BIRC5: variants seen among roughly 807,000 people sequenced by gnomAD.
BIRC5 encodes baculoviral IAP repeat-containing protein 5.
BIRC5 carries 8 observed loss-of-function variants against 15.8 expected under a neutral mutation model. That is an observed-to-expected ratio of 0.51 (90% confidence interval 0.30 to 0.91). The LOEUF is 0.91. BIRC5 is among the 40% of genes least tolerant of loss of function. The pLI is 0.07. For missense variants in BIRC5, 163 were observed against 178.6 expected (o/e 0.91, Z 0.50); for synonymous variants, 56 against 64.5 (o/e 0.87, Z 0.63).
In BIRC5 at chr17:78,214,800, T is replaced by C. The variant is rs2076466095; in HGVS notation, c.221+11T>C. ...AGATGACGACCCCATGTAAGTCTTCTCTGGCCAGCCTCGATGGGCTTTGTT... is the reference window on the plus strand; with the variant it reads ...AGATGACGACCCCATGTAAGTCTTCCCTGGCCAGCCTCGATGGGCTTTGTT... On this transcript the variant is annotated intron_variant, in intron 2 of 3. Transcript: ENST00000350051. The C allele has an allele frequency of 6.2e-7, 1 of 1,605,080 alleles. No individual in the cohort carries two copies.
intron 2 of BIRC5, chr17:78,216,060 T>C (rs780185239): frequency 2.5e-6 from 2 of 804,450 alleles, no homozygotes; most frequent in South Asian, 8.6e-5. Flanking sequence ...CCATCTTGGC[T>C]AATACGGTGA....
chr17:78,222,988 G>A lies in BIRC5; in HGVS notation c.340-477G>A, dbSNP rs539741224. 256 of 1,487,672 alleles carry A rather than the reference G, an allele frequency of 1.7e-4. No individual in the cohort carries two copies. In the African/African-American group the frequency reaches 3.3e-3, roughly 19 times the overall value. 92.2% of individuals were successfully genotyped at this position (1,487,672 alleles called of 1,614,324 possible). A position where few individuals can be genotyped will look rare whatever the true frequency, so the allele number is the denominator to read the frequency against. ...GGACTTTCCTCCAGGAGTTTCAGGAGAAAGGTAGGGCAGTGGTTAAGAGCA... is the reference window on the plus strand; with the variant it reads ...GGACTTTCCTCCAGGAGTTTCAGGAAAAAGGTAGGGCAGTGGTTAAGAGCA... On this transcript the variant is annotated intron_variant, in intron 3 of 3. Coordinates refer to ENST00000350051, the MANE Select transcript of BIRC5 (RefSeq NM_001168.3).
At chr17:78,216,024 C>A (rs371588539) in intron 2 of BIRC5, 2 of 1,006,854 alleles carry the variant, frequency 2.0e-6, no homozygotes, top group Non-Finnish European at 2.4e-6. Context: ...CCGAGGCGGG[C>A]GGATCACGAG....
At chr17:78,222,678 A>T in intron 3 of BIRC5, 2 of 1,207,320 alleles carry the variant, frequency 1.7e-6, no homozygotes, top group East Asian at 5.3e-5. Flanking sequence ...AAAAAAAGTA[A>T]TTTTTTTTAA....
chr17:78,218,582 G>C (rs1175974537), intron 3 of BIRC5, among the ~76,000 whole-genome samples: 1 of 149,472 alleles, frequency 6.7e-6, no homozygotes, highest in African/African-American at 2.5e-5. Flanking sequence ...GAGCCACCAT[G>C]CGTGGTCTTT....
chr17:78,223,163 G>A (rs1156949761), intron 3 of BIRC5, among the ~76,000 whole-genome samples: 3 of 152,176 alleles, frequency 2.0e-5, no homozygotes, highest in South Asian at 2.1e-4. Flanking sequence ...AGCACCCAGC[G>A]CAGGATCACT....
At chr17:78,214,475 T>A (rs567991073) in intron 1 of BIRC5, 48 bp downstream of exon 1, 16 of 1,472,846 alleles carry the variant, frequency 1.1e-5, no homozygotes, top group Admixed American at 4.8e-5. Flanking sequence ...CCTTGCCCTG[T>A]CCCTAGCGAG....
chr17:78,217,657 C>T (rs1005867315), intron 3 of BIRC5, among the ~76,000 whole-genome samples: 5 of 151,916 alleles, frequency 3.3e-5, no homozygotes, highest in Admixed American at 6.6e-5. Flanking sequence ...CCACCACACC[C>T]GGCTAATTTT....
In BIRC5 at chr17:78,223,543, G is replaced by C; in HGVS notation, c.418G>C (p.Ala140Pro). ...KVRRAIEQLA[A>P]MD ...GCGCCGTGCCATCGAGCAGCTGGCT[G>C]CCATGGATTGAGGCCTCTGGCCGGA... The change falls in exon 4 of 4, where the codon GCC (alanine) becomes CCC (proline). Residue 140 changes from alanine to proline, a missense_variant. Ala to Pro is a conservative substitution (Grantham distance 27). Coordinates refer to ENST00000350051, the MANE Select transcript of BIRC5 (RefSeq NM_001168.3). 6.2e-7 allele frequency: 1 copy of C among 1,613,730 alleles called. No homozygotes were observed. The highest frequency in any genetic ancestry group is 8.5e-7 in the Non-Finnish European group (1 of 1,179,782).
At chr17:78,223,383 GT>G (rs2076527825) in intron 3 of BIRC5, 81 bp from the exon 4 acceptor site, 3 of 1,350,442 alleles carry the variant, frequency 2.2e-6, no homozygotes, top group South Asian at 3.2e-5. Context: ...TTCCCTGATT[GT>G]TTTTTCCTTT....
chr17:78,222,312 A>G (rs552934825), intron 3 of BIRC5, among the ~76,000 whole-genome samples: 13 of 151,548 alleles, frequency 8.6e-5, no homozygotes, highest in African/African-American at 3.1e-4. Context: ...ATATTAAAAA[A>G]TGACAAATTT....
intron 3 of BIRC5, among the ~76,000 whole-genome samples, chr17:78,218,724 T>C (rs1294762331): frequency 6.6e-6 from 1 of 151,860 alleles, no homozygotes; most frequent in Non-Finnish European, 1.5e-5. Flanking sequence ...TGCCTCAGCC[T>C]CCTGAGTAGC....
intron 3 of BIRC5, among the ~76,000 whole-genome samples, chr17:78,217,285 C>T (rs1464614475): frequency 2.0e-5 from 3 of 151,576 alleles, no homozygotes; most frequent in African/African-American, 7.3e-5. Flanking sequence ...AAGTGATTTG[C>T]CTGCTTCAGC....
At chr17:78,216,807 C>T (rs753380115) in intron 3 of BIRC5, 26 bp downstream of exon 3, 1 of 1,556,052 alleles carries the variant, frequency 6.4e-7, no homozygotes, top group South Asian at 1.1e-5. Context: ...AAGAACTGCT[C>T]AAACCCTGTT....
chr17:78,223,611 T>C lies in BIRC5; in HGVS notation c.*57T>C, dbSNP rs778286403. On this transcript the variant is annotated 3_prime_UTR_variant, in exon 4 of 4. Coordinates refer to ENST00000350051, the MANE Select transcript of BIRC5 (RefSeq NM_001168.3). Reference sequence around the variant, plus strand: ...TGGCTGCACCACTTCCAGGGTTTATTCCCTGGTGCCACCAGCCTTCCTGTG... The same window carrying C: ...TGGCTGCACCACTTCCAGGGTTTATCCCCTGGTGCCACCAGCCTTCCTGTG... 1 of 1,608,072 alleles carries C rather than the reference T, an allele frequency of 6.2e-7. No individual in the cohort carries two copies. The highest frequency in any genetic ancestry group is 1.7e-5 in the Admixed American group (1 of 59,348).
Position 78,224,653 on chromosome 17 carries a change from A to G in BIRC5, c.*1099A>G, listed in dbSNP as rs1417755913. On this transcript the variant is annotated 3_prime_UTR_variant, in exon 4 of 4. Coordinates refer to ENST00000350051, the MANE Select transcript of BIRC5 (RefSeq NM_001168.3). The stretch of plus-strand genomic sequence containing the variant: ...TTACAGCTTCGCTGGAAACCTCTGG[A>G]GGTCATCTCGGCTGTTCCTGAGAAA... 6.6e-6 allele frequency: 1 copy of G among 152,230 alleles called. No homozygotes were observed. Among genetic ancestry groups the G allele is most frequent in the Admixed American group, 6.5e-5 (1 of 15,288 alleles). 9.4% of individuals were successfully genotyped at this position (152,230 alleles called of 1,614,324 possible).
chr17:78,223,061 AGACTAG>A (rs1272947972), intron 3 of BIRC5: 2 of 1,263,408 alleles, frequency 1.6e-6, no homozygotes, highest in Non-Finnish European at 2.0e-6. Flanking sequence ...TGGGGTGCCC[AGACTAG>A]CTGGGGTGCC....
chr17:78,215,921 G>A (rs1186547159), intron 2 of BIRC5: 1 of 1,065,962 alleles, frequency 9.4e-7, no homozygotes, highest in South Asian at 3.5e-5. Flanking sequence ...GGTCCCTTGG[G>A]GAACCCGGGG....
intron 3 of BIRC5, among the ~76,000 whole-genome samples, chr17:78,220,519 C>A (rs1482694014): frequency 6.6e-6 from 1 of 152,068 alleles, no homozygotes; most frequent in Non-Finnish European, 1.5e-5. Flanking sequence ...GGAGACCTCT[C>A]GGTCTCTATC....
Sources: allele counts gnomAD v4.1 joint callset (sites outside exome capture counted in the v4.1 genomes callset), GRCh38; gene constraint gnomAD v4.1.1; transcripts MANE v1.5; gene names NCBI Gene and HGNC (gene_info 2026-07-23, HGNC 2026-07-21).